The following SHISA6 variants were observed in gnomAD, a reference collection of about 807,000 sequenced individuals.
SHISA6 encodes the protein protein shisa-6.
In SHISA6, 22 loss-of-function variants were observed where a neutral mutation model predicts 47.9. The ratio of observed to expected loss-of-function variants is 0.46; its 90% CI spans 0.33 to 0.66. The LOEUF (loss-of-function observed/expected upper bound fraction) is 0.66. Ranked by LOEUF, SHISA6 falls within the 30% of genes least tolerant of loss-of-function variation. The pLI is 0.02. For synonymous variants in SHISA6, 388 were observed against 337.8 expected (o/e 1.15, Z -1.63); for missense variants, 680 against 764.6 (o/e 0.89, Z 1.30).
At chr17:11,292,896 C>G (rs1909603572) in intron 2 of SHISA6, among the ~76,000 whole-genome samples, 1 of 148,180 alleles carries the variant, frequency 6.7e-6, no homozygotes. Context: ...ATGATCTTGG[C>G]TCATTGCAAC....
intron 3 of SHISA6, among the ~76,000 whole-genome samples, chr17:11,467,432 A>G (rs1455597883): frequency 2.0e-5 from 3 of 152,194 alleles, no homozygotes; most frequent in African/African-American, 7.2e-5. Flanking sequence ...ATGACATATG[A>G]TGTCATATTT....
At chr17:11,349,970 C>G (rs2142219618) in intron 2 of SHISA6, among the ~76,000 whole-genome samples, 1 of 152,102 alleles carries the variant, frequency 6.6e-6, no homozygotes, top group South Asian at 2.1e-4. Flanking sequence ...AGTGCAGAAA[C>G]ATCCTCTGCT....
intron 3 of SHISA6, among the ~76,000 whole-genome samples, chr17:11,462,887 C>CA (rs2142315011): frequency 6.6e-6 from 1 of 152,308 alleles, no homozygotes; most frequent in Admixed American, 6.5e-5. Flanking sequence ...CTTGGCCTCC[C>CA]AAAGTGCTGG....
intron 3 of SHISA6, among the ~76,000 whole-genome samples, chr17:11,522,091 G>A (rs1284772335): frequency 1.3e-5 from 2 of 151,502 alleles, no homozygotes; most frequent in Non-Finnish European, 2.9e-5. Context: ...TCAGCCTCCC[G>A]AGTAGCTGGG....
intron 3 of SHISA6, among the ~76,000 whole-genome samples, chr17:11,388,844 T>TTA (rs1215853879): frequency 5.5e-5 from 5 of 91,664 alleles, no homozygotes; most frequent in South Asian, 7.8e-4. Flanking sequence ...ATATATATTT[T>TTA]AAAAAAGGTA....
At chr17:11,324,215 C>T (rs1044808418) in intron 2 of SHISA6, among the ~76,000 whole-genome samples, 14 of 152,154 alleles carry the variant, frequency 9.2e-5, no homozygotes, top group African/African-American at 3.1e-4. Flanking sequence ...GACTGGCACA[C>T]GTAGGCTGTC....
At chr17:11,253,589 T>G (rs1410134151) in intron 1 of SHISA6, among the ~76,000 whole-genome samples, 2 of 152,144 alleles carry the variant, frequency 1.3e-5, no homozygotes, top group African/African-American at 4.8e-5. Context: ...TTAAAGTGTT[T>G]TGGAATTTTT....
chr17:11,405,024 C>G (rs1913903192), intron 3 of SHISA6, among the ~76,000 whole-genome samples: 1 of 152,148 alleles, frequency 6.6e-6, no homozygotes, highest in Admixed American at 6.5e-5. Context: ...TCAACTTTAT[C>G]TGCAGAGCGA....
intron 3 of SHISA6, among the ~76,000 whole-genome samples, chr17:11,540,934 A>G (rs2969239): frequency 0.48 from 73,270 of 152,006 alleles, 17,875 homozygotes; most frequent in East Asian, 0.61. Context: ...TGCGGAGCAC[A>G]GAGAGACTTT....
In SHISA6 at chr17:11,432,365, C is replaced by A. The variant is rs75388747; in HGVS notation, c.895+52856C>A. On this transcript the variant is annotated intron_variant, in intron 3 of 5. Transcript: ENST00000441885. ...TCAATTATCTGTAAGTTCTGCTTTG[C>A]TGCCATGATGTTTACACTCAGCCTA... 5.2e-3 allele frequency among the ~76,000 whole-genome samples: 789 copies of A among 152,290 alleles called. 9 individuals carry two copies. The highest frequency in any genetic ancestry group is 0.019 in the African/African-American group (772 of 41,574).
intron 3 of SHISA6, among the ~76,000 whole-genome samples, chr17:11,523,760 C>T (rs928203838): frequency 1.3e-5 from 2 of 152,106 alleles, no homozygotes; most frequent in African/African-American, 4.8e-5. Flanking sequence ...AATCCCAGCA[C>T]TTTGGGAGGC....
intron 3 of SHISA6, among the ~76,000 whole-genome samples, chr17:11,396,127 A>G (rs919980498): frequency 6.6e-6 from 1 of 152,216 alleles, no homozygotes; most frequent in African/African-American, 2.4e-5. Flanking sequence ...AAGCTTTTTC[A>G]GCATCTGTAG....
chr17:11,388,802 A>ATATATATATATATAT (rs1567592082), intron 3 of SHISA6, among the ~76,000 whole-genome samples: 6 of 54,654 alleles, frequency 1.1e-4, no homozygotes, highest in African/African-American at 4.5e-4. Flanking sequence ...ATATATATAT[A>ATATATATATATATAT]TATATATATA....
Position 11,405,996 on chromosome 17 carries a change from A to G in SHISA6, c.895+26487A>G, listed in dbSNP as rs148945294. 2.2e-3 allele frequency among the ~76,000 whole-genome samples: 336 copies of G among 152,324 alleles called. 13 individuals are homozygous for G. In the South Asian group the frequency reaches 0.043, roughly 19 times the overall value. ...AGACAGCTAGACAGTACATATTTTC[A>G]TCATAGAAGAGCTCATTGAAACACA... is the stretch of plus-strand genomic sequence containing the variant. On this transcript the variant is annotated intron_variant, in intron 3 of 5. Coordinates refer to ENST00000441885, the MANE Select transcript of SHISA6 (RefSeq NM_207386.4).
At chr17:11,260,783 C>T (rs1001381852) in intron 1 of SHISA6, among the ~76,000 whole-genome samples, 1 of 152,008 alleles carries the variant, frequency 6.6e-6, no homozygotes, top group Admixed American at 6.6e-5. Flanking sequence ...TCTCTCCTCT[C>T]TCCACCTGTT....
At chr17:11,513,859 T>C (rs114337592) in intron 3 of SHISA6, among the ~76,000 whole-genome samples, 10 of 152,270 alleles carry the variant, frequency 6.6e-5, no homozygotes, top group African/African-American at 2.4e-4. Flanking sequence ...GCCAACTTAT[T>C]TATTTGAGAT....
chr17:11,416,568 G>A (rs1914288824), intron 3 of SHISA6, among the ~76,000 whole-genome samples: 1 of 152,136 alleles, frequency 6.6e-6, no homozygotes. Flanking sequence ...AAAAATGATT[G>A]TCATTTTGAA....
intron 1 of SHISA6, among the ~76,000 whole-genome samples, chr17:11,254,530 T>G (rs1384032774): frequency 6.6e-6 from 1 of 152,230 alleles, no homozygotes; most frequent in African/African-American, 2.4e-5. Flanking sequence ...AGAGGACTTA[T>G]GAGGCATTTT....
chr17:11,400,352 A>C (rs1270039879), intron 3 of SHISA6, among the ~76,000 whole-genome samples: 1 of 152,216 alleles, frequency 6.6e-6, no homozygotes. Flanking sequence ...TGTGATGAAA[A>C]GTCATTAACA....
Sources: gnomAD v4.1 joint callset for allele counts (sites outside exome capture counted in the v4.1 genomes callset) on GRCh38, gnomAD v4.1.1 for gene constraint, MANE v1.5 for transcripts, NCBI Gene and HGNC (gene_info 2026-07-23, HGNC 2026-07-21) for gene names.